The following TMEM236 variants were observed in gnomAD, a reference collection of about 807,000 sequenced individuals.
The protein encoded by TMEM236 is family with sequence similarity 23, member A.
In TMEM236, 11 loss-of-function variants were observed where a neutral mutation model predicts 14.7. The ratio of observed to expected loss-of-function variants is 0.75; its 90% confidence interval spans 0.47 to 1.24. TMEM236 has a LOEUF of 1.24. Ranked by LOEUF, TMEM236 falls within the 50% of genes most tolerant of loss-of-function variation. The pLI is 0.00. For synonymous variants in TMEM236, 182 were observed against 168.6 expected (o/e 1.08, Z -0.62); for missense variants, 464 against 427.3 (o/e 1.09, Z -0.76).
chr10:17,790,159 C>T (rs1837903764), intron 3 of TMEM236, among the ~76,000 whole-genome samples: 1 of 151,700 alleles, frequency 6.6e-6, no homozygotes, highest in East Asian at 1.9e-4. Context: ...TTGCCCAGGA[C>T]ATCAAAGCTG....
chr10:17,789,577 G>GT (rs1419277426), intron 3 of TMEM236, among the ~76,000 whole-genome samples: 2 of 152,130 alleles, frequency 1.3e-5, no homozygotes. Context: ...CTCAGTGAGA[G>GT]TATGTCAAAA....
chr10:17,757,920 C>T (rs1837305884), intron 1 of TMEM236, among the ~76,000 whole-genome samples: 1 of 151,964 alleles, frequency 6.6e-6, no homozygotes, highest in African/African-American at 2.4e-5. Context: ...AGGTGTGCGC[C>T]ACCACGCCTG....
chr10:17,763,695 A>G (rs1837412946), intron 1 of TMEM236, among the ~76,000 whole-genome samples: 3 of 152,152 alleles, frequency 2.0e-5, no homozygotes, highest in Non-Finnish European at 2.9e-5. Context: ...GAGGAGGAGG[A>G]TGAGTATGAG....
At position 17,799,297 on chromosome 10, in the gene TMEM236, A is replaced by T. The variant is rs1388712930; in HGVS notation, c.*2793A>T. On this transcript the variant is annotated 3_prime_UTR_variant, in exon 4 of 4. Transcript: ENST00000377495. ...CGCTGCAGGTGCTTACAAGACTTAT[A>T]ACTTAAAAAAATTATAATACAAGGC... The T allele has an allele frequency of 6.5e-6, 1 of 153,476 alleles. No homozygotes were observed. The highest frequency in any genetic ancestry group is 2.4e-5 in the African/African-American group (1 of 41,456). 9.5% of individuals were successfully genotyped at this position (153,476 alleles called of 1,614,324 possible).
intron 2 of TMEM236, 27 bp downstream of exon 2, chr10:17,771,408 A>T (rs879946359): frequency 0.17 from 277,611 of 1,600,878 alleles, 26,160 homozygotes; most frequent in Non-Finnish European, 0.19. Context: ...TTCTTCTGCT[A>T]CAAGATTATG....
chr10:17,784,804 G>C (rs1286334449), intron 3 of TMEM236, among the ~76,000 whole-genome samples: 15 of 152,276 alleles, frequency 9.9e-5, no homozygotes, highest in South Asian at 6.2e-4. Flanking sequence ...GATGGATAGA[G>C]GGGAGAGGAC....
intron 1 of TMEM236, among the ~76,000 whole-genome samples, chr10:17,770,597 A>T (rs1393876647): frequency 4.6e-5 from 7 of 152,074 alleles, no homozygotes; most frequent in African/African-American, 1.7e-4. Flanking sequence ...GTTAGCCAGG[A>T]TGGTCTCGAT....
intron 3 of TMEM236, among the ~76,000 whole-genome samples, chr10:17,793,043 A>G (rs1449112073): frequency 6.6e-6 from 1 of 152,176 alleles, no homozygotes; most frequent in Non-Finnish European, 1.5e-5. Context: ...AAAGCTTTCC[A>G]GCTAATAGTT....
At chr10:17,780,355 A>G (rs1294447260) in intron 3 of TMEM236, among the ~76,000 whole-genome samples, 5 of 152,164 alleles carry the variant, frequency 3.3e-5, no homozygotes, top group East Asian at 3.9e-4. Context: ...AAACAGACCT[A>G]TGAAAGTGTC....
In TMEM236 at chr10:17,797,692, A is replaced by G. The variant is rs1554836536; in HGVS notation, c.*1188A>G. ...CATTGTGGCAAGGGACTTTTATTCAATAAATTGATTTCAGCATAAAAAGCA... is the reference window on the plus strand; with the variant it reads ...CATTGTGGCAAGGGACTTTTATTCAGTAAATTGATTTCAGCATAAAAAGCA... On this transcript the variant is annotated 3_prime_UTR_variant, in exon 4 of 4. Coordinates refer to ENST00000377495, the MANE Select transcript of TMEM236 (RefSeq NM_001098844.3). 2 of 152,116 alleles carry G rather than the reference A, an allele frequency of 1.3e-5. No homozygotes were observed. Among genetic ancestry groups the G allele is most frequent in the Non-Finnish European group, 2.9e-5 (2 of 68,014 alleles). The allele number at this position is 152,116 out of a possible 1,614,324, so 9.4% of individuals were successfully genotyped here.
Position 17,798,741 on chromosome 10 carries a change from T to C in TMEM236, c.*2237T>C, listed in dbSNP as rs574504334. ...ACCTCTGTGGGTCCCCGTTTCCACATGTAAAAGATGAACATAATACTAGTA... is the reference window on the plus strand; with the variant it reads ...ACCTCTGTGGGTCCCCGTTTCCACACGTAAAAGATGAACATAATACTAGTA... On this transcript the variant is annotated 3_prime_UTR_variant, in exon 4 of 4. Coordinates refer to ENST00000377495, the MANE Select transcript of TMEM236 (RefSeq NM_001098844.3). 4.1e-5 allele frequency: 22 copies of C among 530,618 alleles called. 1 individual carries two copies. In the East Asian group the frequency reaches 1.2e-3, roughly 28 times the overall value. 32.9% of individuals were successfully genotyped at this position (530,618 alleles called of 1,614,324 possible).
intron 3 of TMEM236, among the ~76,000 whole-genome samples, chr10:17,778,468 C>A (rs1837694178): frequency 9.9e-5 from 15 of 152,142 alleles, no homozygotes; most frequent in Non-Finnish European, 2.9e-5. Flanking sequence ...AATACATTAA[C>A]ATGTAAATCT....
rs920302457 is a variant in TMEM236, at chr10:17,774,123, C to T, written c.331-1906C>T. ...GCAGTGGTGCAATCTCTATTCACTG[C>T]AACCTCCACCTTCTGGGTTCAAGTG... On this transcript the variant is annotated intron_variant, in intron 2 of 3. Transcript: ENST00000377495. Among the ~76,000 whole-genome samples the T allele has an allele frequency of 6.0e-3, 912 of 152,256 alleles. 3 individuals carry two copies. The highest frequency in any genetic ancestry group is 7.8e-3 in the Non-Finnish European group (530 of 68,024).
chr10:17,763,735 A>T (rs951327207), intron 1 of TMEM236, among the ~76,000 whole-genome samples: 1 of 152,150 alleles, frequency 6.6e-6, no homozygotes, highest in Non-Finnish European at 1.5e-5. Flanking sequence ...ATTATTTAAG[A>T]GGTGGGAAAA....
chr10:17,766,521 T>C (rs1837466812), intron 1 of TMEM236, among the ~76,000 whole-genome samples: 1 of 152,226 alleles, frequency 6.6e-6, no homozygotes, highest in Non-Finnish European at 1.5e-5. Context: ...AGAATCTCCT[T>C]TAACACCTGT....
At chr10:17,792,003 G>A (rs1285443140) in intron 3 of TMEM236, among the ~76,000 whole-genome samples, 2 of 152,308 alleles carry the variant, frequency 1.3e-5, no homozygotes, top group East Asian at 3.9e-4. Flanking sequence ...GGAGTCTAAT[G>A]AATGCATTTT....
At position 17,771,307 on chromosome 10, in the gene TMEM236, A is replaced by G. The variant is rs782009025; in HGVS notation, c.258-2A>G. 39 of 1,613,674 alleles carry G rather than the reference A, an allele frequency of 2.4e-5. No individual in the cohort carries two copies. The Middle Eastern group carries it at 4.9e-4, about 20-fold the overall frequency. On this transcript the variant is annotated splice_acceptor_variant, in intron 1 of 3. Coordinates refer to ENST00000377495, the MANE Select transcript of TMEM236 (RefSeq NM_001098844.3). LOFTEE classifies it high-confidence loss of function. The stretch of plus-strand genomic sequence containing the variant: ...TTTGGCTTATTTTTTCTCCTTTGCT[A>G]GGAGACCTGTTCTGATGATGTGTGT...
intron 1 of TMEM236, among the ~76,000 whole-genome samples, chr10:17,757,253 T>G (rs1482309381): frequency 6.6e-6 from 1 of 152,210 alleles, no homozygotes; most frequent in Non-Finnish European, 1.5e-5. Context: ...GTTCTCATTT[T>G]ATAGACAAAG....
chr10:17,777,298 A>G (rs1554835195), intron 3 of TMEM236, among the ~76,000 whole-genome samples: 1 of 152,176 alleles, frequency 6.6e-6, no homozygotes, highest in East Asian at 1.9e-4. Context: ...ATGTAGGTGG[A>G]TAAGATGGCA....
Sources: gnomAD v4.1 joint callset for allele counts (sites outside exome capture counted in the v4.1 genomes callset) on GRCh38, gnomAD v4.1.1 for gene constraint, MANE v1.5 for transcripts, NCBI Gene and HGNC (gene_info 2026-07-23, HGNC 2026-07-21) for gene names.